Variants in CDIP1 observed in about 807,000 individuals in gnomAD.
The protein encoded by CDIP1 is cell death-inducing p53-target protein 1.
Under a neutral mutation model 17.7 loss-of-function variants are expected in CDIP1, and 9 were observed. The observed-to-expected ratio is 0.51, with a 90% confidence interval of 0.31 to 0.89. CDIP1 has a LOEUF of 0.89. CDIP1 is among the 40% of genes least tolerant of loss of function. CDIP1 has a pLI of 0.05. For missense variants in CDIP1, 263 were observed against 277.9 expected, an observed-to-expected ratio of 0.95 and a Z score of 0.38; for synonymous variants, 117 against 109.5, an observed-to-expected ratio of 1.07 and a Z score of -0.43.
chr16:4,521,303 C>T (rs1049284489), intron 1 of CDIP1, among the ~76,000 whole-genome samples: 1 of 152,102 alleles, frequency 6.6e-6, no homozygotes, highest in Non-Finnish European at 1.5e-5. Flanking sequence ...TCCTAGCCCC[C>T]CGAGTGGTCT....
rs2058847193 is a variant in CDIP1, at chr16:4,512,904, C to G, written c.402G>C (p.Glu134Asp). The G allele has an allele frequency of 6.4e-7, 1 of 1,571,982 alleles. No individual in the cohort carries two copies. The highest frequency in any genetic ancestry group is 1.3e-5 in the African/African-American group (1 of 74,484). ...GACACACCGTCTGCACAGGCGCTCC[C>G]TCAAAGATCTCTCCCTGCAGCACTG... ...TVTVLQGEIF[E>D]GAPVQTVCPH... Residue 134 changes from glutamate (E) to aspartate (D), a missense_variant, in exon 5 of 6, where the codon GAG becomes GAC. Physicochemically the swap from Glu to Asp is conservative, Grantham distance 45 (BLOSUM62 2). Coordinates refer to ENST00000567695, the MANE Select transcript of CDIP1 (RefSeq NM_013399.3). The surrounding 1 kb of genome is among the most constrained non-coding windows in gnomAD (Gnocchi z 4.6).
chr16:4,528,776 G>T (rs1351054725), intron 1 of CDIP1, among the ~76,000 whole-genome samples: 2 of 151,270 alleles, frequency 1.3e-5, no homozygotes, highest in Non-Finnish European at 2.9e-5. Context: ...ATCACCTGAG[G>T]TCAGGAGTTC....
chr16:4,532,891 A>C (rs1230266690), intron 1 of CDIP1: 1 of 152,236 alleles, frequency 6.6e-6, no homozygotes, highest in Non-Finnish European at 1.5e-5. Context: ...GAGATCTGAG[A>C]AGTGCTCACT....
chr16:4,527,156 T>C (rs1801260328), intron 1 of CDIP1, among the ~76,000 whole-genome samples: 1 of 151,756 alleles, frequency 6.6e-6, no homozygotes, highest in Admixed American at 6.6e-5. Context: ...GGCGGGATCT[T>C]GGCTCACTGC....
intron 1 of CDIP1, among the ~76,000 whole-genome samples, chr16:4,527,383 G>A (rs901517060): frequency 2.6e-5 from 4 of 152,122 alleles, no homozygotes; most frequent in African/African-American, 4.8e-5. Context: ...CACCGCACCC[G>A]GTGACACTGT....
chr16:4,512,445 A>G lies in CDIP1; in HGVS notation c.*127T>C, dbSNP rs2058840375. ...TCAGGTAGGGCAGGGTGAAGAGGACAGGACTTCTAGGGGATGGTGGCACGG... is the reference window on the plus strand; with the variant it reads ...TCAGGTAGGGCAGGGTGAAGAGGACGGGACTTCTAGGGGATGGTGGCACGG... On this transcript the variant is annotated 3_prime_UTR_variant, in exon 6 of 6. Coordinates refer to ENST00000567695, the MANE Select transcript of CDIP1 (RefSeq NM_013399.3). This position sits in a 1 kb window ranked among gnomAD's most constrained non-coding sequence, Gnocchi z 4.6. 2.8e-6 allele frequency: 2 copies of G among 712,650 alleles called. No homozygotes were observed. Among genetic ancestry groups the G allele is most frequent in the South Asian group, 3.1e-5 (2 of 64,126 alleles). 44.1% of individuals were successfully genotyped at this position (712,650 alleles called of 1,614,324 possible).
chr16:4,512,906 C>CA lies in CDIP1; in HGVS notation c.399dup (p.Glu134Ter), dbSNP rs1567411662. 1 of 1,572,928 alleles carries CA rather than the reference C, an allele frequency of 6.4e-7. No individual in the cohort carries two copies. On this transcript the variant is annotated frameshift_variant, in exon 5 of 6. Transcript: ENST00000567695. LOFTEE classifies it high-confidence loss of function. The surrounding 1 kb of genome is among the most constrained non-coding windows in gnomAD (Gnocchi z 4.6). ...CACACCGTCTGCACAGGCGCTCCCT[C>CA]AAAGATCTCTCCCTGCAGCACTGTC...
intron 1 of CDIP1, among the ~76,000 whole-genome samples, chr16:4,521,354 T>C (rs1177389892): frequency 6.6e-6 from 1 of 152,152 alleles, no homozygotes; most frequent in African/African-American, 2.4e-5. Flanking sequence ...TTTCAAGAAC[T>C]GCTGTGCTAG....
chr16:4,519,115 G>T lies in CDIP1; in HGVS notation c.-104-4451C>A, dbSNP rs146228956. Among the ~76,000 whole-genome samples, 1,250 of 152,292 alleles carry T rather than the reference G, an allele frequency of 8.2e-3. 9 individuals carry two copies. Among genetic ancestry groups the T allele is most frequent in the Middle Eastern group, 0.034 (10 of 294 alleles). The stretch of plus-strand genomic sequence containing the variant: ...TTACAAGTCAATCACAAACTTAATA[G>T]TAAGTCACTCCTATGGAAGACCAGA... On this transcript the variant is annotated intron_variant, in intron 1 of 5. Transcript: ENST00000567695.
chr16:4,529,097 G>A (rs2141654530), intron 1 of CDIP1, among the ~76,000 whole-genome samples: 1 of 152,240 alleles, frequency 6.6e-6, no homozygotes, highest in Non-Finnish European at 1.5e-5. Flanking sequence ...GCAAGCCAGA[G>A]GCCTGGACTG....
intron 1 of CDIP1, among the ~76,000 whole-genome samples, chr16:4,535,200 C>T (rs2059095688): frequency 6.6e-6 from 1 of 152,138 alleles, no homozygotes; most frequent in South Asian, 2.1e-4. Flanking sequence ...TGAATTCAGA[C>T]TTAATTAGCA....
chr16:4,525,415 G>A (rs547656406), intron 1 of CDIP1, among the ~76,000 whole-genome samples: 1 of 152,304 alleles, frequency 6.6e-6, no homozygotes, highest in African/African-American at 2.4e-5. Context: ...GGCGTGCAGT[G>A]AACGTTAATA....
rs1415055295 is a variant in CDIP1, at chr16:4,514,077, C to G, written c.54G>C (p.Leu18=). ...PYPGGPTAPL[L]EEKSGAPPTP... ...TGGGCGGGGCTCCACTTTTCTCTTC[C>G]AGAAGTGGGGCTGTGGGGCCCCCAG... Residue 18 remains leucine (L), a synonymous_variant, in exon 3 of 6, where the codon CTG becomes CTC. Transcript: ENST00000567695. This position sits in a 1 kb window ranked among gnomAD's most constrained non-coding sequence, Gnocchi z 5.2. 1.3e-6 allele frequency: 2 copies of G among 1,535,158 alleles called. No individual in the cohort carries two copies. The highest frequency in any genetic ancestry group is 5.1e-5 in the East Asian group (2 of 39,300).
At position 4,512,803 on chromosome 16, in the gene CDIP1, C is replaced by G; in HGVS notation, c.503G>C (p.Cys168Ser). Residue 168 changes from cysteine to serine, a missense_variant, in exon 5 of 6, where the codon TGT (cysteine) becomes TCT (serine). Physicochemically the swap from Cys to Ser is moderately radical, Grantham distance 112. Transcript: ENST00000567695. The surrounding 1 kb of genome is among the most constrained non-coding windows in gnomAD (Gnocchi z 4.6). ...CCACACCACCTACCCCATGAAGCAACAGAAGAAACCCAGCACGAAATTCAT... is the reference window on the plus strand; with the variant it reads ...CCACACCACCTACCCCATGAAGCAAGAGAAGAAACCCAGCACGAAATTCAT... Reference protein sequence around the residue: ...GLMNFVLGFFCCFMGCDLGCC... With the variant: ...GLMNFVLGFFSCFMGCDLGCC... 6.3e-7 allele frequency: 1 copy of G among 1,575,106 alleles called. No individual in the cohort carries two copies. Among genetic ancestry groups the G allele is most frequent in the Non-Finnish European group, 8.6e-7 (1 of 1,159,870 alleles).
chr16:4,518,496 C>G (rs548633990), intron 1 of CDIP1, among the ~76,000 whole-genome samples: 34 of 152,330 alleles, frequency 2.2e-4, no homozygotes, highest in Admixed American at 7.2e-4. Flanking sequence ...GGCCCTGTTG[C>G]TCCTCCGTGT....
chr16:4,527,361 A>C (rs796573309), intron 1 of CDIP1, among the ~76,000 whole-genome samples: 17 of 152,262 alleles, frequency 1.1e-4, no homozygotes, highest in African/African-American at 3.9e-4. Context: ...TGCTGCGATT[A>C]CAGGCAAGTG....
intron 1 of CDIP1, among the ~76,000 whole-genome samples, chr16:4,529,147 T>C (rs370220871): frequency 1.8e-4 from 28 of 152,274 alleles, no homozygotes; most frequent in East Asian, 1.7e-3. Context: ...CTTATGGCCA[T>C]AGGTCTCCCA....
intron 1 of CDIP1, among the ~76,000 whole-genome samples, chr16:4,527,029 C>T (rs1415126508): frequency 6.6e-6 from 1 of 151,572 alleles, no homozygotes; most frequent in Non-Finnish European, 1.5e-5. Context: ...GAGCACACCA[C>T]TGAAGGCCTG....
chr16:4,514,095 G>T lies in CDIP1; in HGVS notation c.36C>A (p.Gly12=). The T allele has an allele frequency of 6.5e-7, 1 of 1,542,766 alleles. No homozygotes were observed. The highest frequency in any genetic ancestry group is 8.7e-7 in the Non-Finnish European group (1 of 1,155,580). ...SSEPPPPYPG[G]PTAPLLEEKS... ...TCTCTTCCAGAAGTGGGGCTGTGGGGCCCCCAGGATAAGGAGGGGGAGGCT... is the reference window on the plus strand; with the variant it reads ...TCTCTTCCAGAAGTGGGGCTGTGGGTCCCCCAGGATAAGGAGGGGGAGGCT... The change falls in exon 3 of 6, where the codon GGC becomes GGA. Residue 12 remains glycine, a synonymous_variant. Coordinates refer to ENST00000567695, the MANE Select transcript of CDIP1 (RefSeq NM_013399.3). This position sits in a 1 kb window ranked among gnomAD's most constrained non-coding sequence, Gnocchi z 5.2.
Sources: allele counts gnomAD v4.1 joint callset (sites outside exome capture counted in the v4.1 genomes callset), GRCh38; gene constraint gnomAD v4.1.1; non-coding constraint Gnocchi (gnomAD v3.1); transcripts MANE v1.5; gene names NCBI Gene and HGNC (gene_info 2026-07-23, HGNC 2026-07-21).